TMEM178B: variants seen among roughly 807,000 people sequenced by gnomAD.
The protein encoded by TMEM178B is transmembrane protein 178B.
TMEM178B carries 5 observed loss-of-function variants against 31.0 expected under a neutral mutation model. That is an observed-to-expected ratio of 0.16 (90% confidence interval 0.08 to 0.34). The LOEUF (loss-of-function observed/expected upper bound fraction) is 0.34, where lower values mean the gene tolerates loss of function less well. Ranked by LOEUF, TMEM178B falls within the 10% of genes least tolerant of loss-of-function variation. TMEM178B has a pLI of 1.00. For missense variants in TMEM178B, 275 were observed against 400.3 expected (o/e 0.69, Z 2.67); for synonymous variants, 164 against 164.0 (o/e 1.00, Z 0.00).
rs894403435 is a variant in TMEM178B at position 141,163,564 on chromosome 7, G to A, written c.383-49027G>A. ...GTCTTGTTCTGTGGCCCAGGCTGGT[G>A]TGCAGTGGTGCAATCCTGGCTCACT... is the stretch of plus-strand genomic sequence containing the variant. On this transcript the variant is annotated intron_variant, in intron 1 of 3. Transcript: ENST00000565468. Among the ~76,000 whole-genome samples the A allele has an allele frequency of 8.7e-5, 13 of 148,952 alleles. 1 individual carries two copies. In the Admixed American group the frequency reaches 8.7e-4, roughly 10 times the overall value.
intron 1 of TMEM178B, among the ~76,000 whole-genome samples, chr7:141,191,043 A>G (rs1400855261): frequency 6.6e-6 from 1 of 150,520 alleles, no homozygotes; most frequent in Admixed American, 6.6e-5. Flanking sequence ...TACTGATGAG[A>G]AAAAATAACT....
chr7:141,091,344 G>A (rs1056286547), intron 1 of TMEM178B, among the ~76,000 whole-genome samples: 4 of 152,160 alleles, frequency 2.6e-5, no homozygotes, highest in African/African-American at 4.8e-5. Context: ...CTGGAAAACT[G>A]TCTCTTGTTA....
rs1037099436 is a variant in TMEM178B, at chr7:141,254,982, A to G, written c.496+42278A>G. ...TCCTTATCTCCCTTGAGTGTTTCGAATCACTGGTTCTCAGTAGAGGTGAGA... is the reference window on the plus strand; with the variant it reads ...TCCTTATCTCCCTTGAGTGTTTCGAGTCACTGGTTCTCAGTAGAGGTGAGA... On this transcript the variant is annotated intron_variant, in intron 2 of 3. Transcript: ENST00000565468. Among the ~76,000 whole-genome samples, 10 of 152,176 alleles carry G rather than the reference A, an allele frequency of 6.6e-5. No homozygotes were observed. In the East Asian group the frequency reaches 1.5e-3, roughly 23 times the overall value.
intron 1 of TMEM178B, among the ~76,000 whole-genome samples, chr7:141,131,532 G>A (rs978609391): frequency 2.6e-5 from 4 of 151,824 alleles, no homozygotes; most frequent in Admixed American, 2.0e-4. Context: ...GATTAGTTTT[G>A]CCCACTTTCG....
At chr7:141,152,584 TAA>T (rs1189440431) in intron 1 of TMEM178B, among the ~76,000 whole-genome samples, 2 of 152,190 alleles carry the variant, frequency 1.3e-5, no homozygotes, top group East Asian at 3.9e-4. Context: ...GTTTTGAAGT[TAA>T]AGTTTTTTTC....
chr7:141,202,965 C>T (rs1357839802), intron 1 of TMEM178B, among the ~76,000 whole-genome samples: 2 of 152,216 alleles, frequency 1.3e-5, no homozygotes, highest in Admixed American at 6.5e-5. Context: ...TTGCTTCCTG[C>T]ACCTTTCATC....
Position 141,318,218 on chromosome 7 carries a change from C to T in TMEM178B, c.496+105514C>T, listed in dbSNP as rs937130432. On this transcript the variant is annotated intron_variant, in intron 2 of 3. Coordinates refer to ENST00000565468, the MANE Select transcript of TMEM178B (RefSeq NM_001195278.2). The surrounding 1 kb of genome is among the most constrained non-coding windows in gnomAD (Gnocchi z 4.1). The stretch of plus-strand genomic sequence containing the variant: ...ACAGATCATTGAGCCTACAACATGG[C>T]GTTCCCTATGTAAATGTCACACAAG... Among the ~76,000 whole-genome samples, 2 of 152,148 alleles carry T rather than the reference C, an allele frequency of 1.3e-5. No individual in the cohort carries two copies. Among genetic ancestry groups the T allele is most frequent in the Admixed American group, 6.5e-5 (1 of 15,276 alleles).
At chr7:141,218,341 T>TGGAGGAAG in intron 2 of TMEM178B, among the ~76,000 whole-genome samples, 1 of 152,034 alleles carries the variant, frequency 6.6e-6, no homozygotes, top group East Asian at 1.9e-4. Context: ...GCAGTGGGGA[T>TGGAGGAAG]GGAGGAAGGG....
the TMEM178B span, among the ~76,000 whole-genome samples, chr7:141,511,070 C>T: frequency 2.0e-5 from 3 of 151,862 alleles, no homozygotes; most frequent in East Asian, 1.9e-4. Flanking sequence ...GCAGTTCCAA[C>T]GGAGAAGTTG....
intron 3 of TMEM178B, among the ~76,000 whole-genome samples, chr7:141,463,574 C>G (rs964756178): frequency 2.0e-5 from 3 of 152,214 alleles, no homozygotes; most frequent in Non-Finnish European, 4.4e-5. Context: ...GTGGCAGCTC[C>G]TGAGCTGCCG....
intron 3 of TMEM178B, among the ~76,000 whole-genome samples, chr7:141,442,672 GC>G (rs1412576756): frequency 6.6e-6 from 1 of 152,146 alleles, no homozygotes; most frequent in Non-Finnish European, 1.5e-5. Context: ...CTTGTGGATG[GC>G]TCATTTTTCC....
intron 2 of TMEM178B, among the ~76,000 whole-genome samples, chr7:141,264,204 T>C (rs1041567337): frequency 1.1e-4 from 16 of 152,140 alleles, no homozygotes; most frequent in African/African-American, 3.1e-4. Flanking sequence ...CTGTGTCACA[T>C]TGTCACATCA....
At chr7:141,397,682 T>A (rs1563171080) in intron 2 of TMEM178B, among the ~76,000 whole-genome samples, 1 of 152,238 alleles carries the variant, frequency 6.6e-6, no homozygotes, top group Non-Finnish European at 1.5e-5. Flanking sequence ...ATCCTTTAGT[T>A]ACTGCCCCTG....
chr7:141,222,071 T>A (rs1052182422), intron 2 of TMEM178B, among the ~76,000 whole-genome samples: 1 of 152,022 alleles, frequency 6.6e-6, no homozygotes, highest in Non-Finnish European at 1.5e-5. Flanking sequence ...AGAGCATGGG[T>A]AGGCTTGGGA....
At chr7:141,097,365 C>CAAAAAAA (rs10718738) in intron 1 of TMEM178B, among the ~76,000 whole-genome samples, 116 of 85,240 alleles carry the variant, frequency 1.4e-3, no homozygotes, top group Non-Finnish European at 1.9e-3. Flanking sequence ...GACTCCGTCT[C>CAAAAAAA]AAAAAAAAAA....
In TMEM178B at chr7:141,267,274, C is replaced by T. The variant is rs993318404; in HGVS notation, c.496+54570C>T. On this transcript the variant is annotated intron_variant, in intron 2 of 3. Transcript: ENST00000565468. ...GGTTTTCCTGTCTATCCTGACAAGGCCTTAAATAATTGTTAAATTCGTTCT... is the reference window on the plus strand; with the variant it reads ...GGTTTTCCTGTCTATCCTGACAAGGTCTTAAATAATTGTTAAATTCGTTCT... Among the ~76,000 whole-genome samples the T allele has an allele frequency of 2.0e-5, 3 of 152,330 alleles. 1 individual carries two copies. The highest frequency in any genetic ancestry group is 6.8e-3 in the Middle Eastern group (2 of 294).
intron 2 of TMEM178B, among the ~76,000 whole-genome samples, chr7:141,346,730 T>C (rs954832337): frequency 1.3e-5 from 2 of 152,190 alleles, no homozygotes; most frequent in African/African-American, 4.8e-5. Context: ...CATGGATATG[T>C]ATATACCAAC....
rs145453053 is a variant in TMEM178B at position 141,328,715 on chromosome 7, G to T, written c.497-108893G>T. Among the ~76,000 whole-genome samples, 43 of 152,346 alleles carry T rather than the reference G, an allele frequency of 2.8e-4. No individual in the cohort carries two copies. The East Asian group carries it at 7.7e-3, about 27-fold the overall frequency. ...ATCTTCTCTGACATGGGCCAAGGAG[G>T]CTGGCCAGTGTCATCTACCATTCCC... is the stretch of plus-strand genomic sequence containing the variant. On this transcript the variant is annotated intron_variant, in intron 2 of 3. Transcript: ENST00000565468.
chr7:141,219,785 C>T (rs967292919), intron 2 of TMEM178B, among the ~76,000 whole-genome samples: 2 of 152,180 alleles, frequency 1.3e-5, no homozygotes, highest in African/African-American at 4.8e-5. Context: ...GCAGAAGTAA[C>T]TCATGCCAGG....
Sources: allele counts gnomAD v4.1 joint callset (sites outside exome capture counted in the v4.1 genomes callset), GRCh38; gene constraint gnomAD v4.1.1; non-coding constraint Gnocchi (gnomAD v3.1); transcripts MANE v1.5; gene names NCBI Gene and HGNC (gene_info 2026-07-23, HGNC 2026-07-21).